The following GOLGA8R variants were observed in gnomAD, a reference collection of about 807,000 sequenced individuals.
GOLGA8R encodes golgin A8 family member R.
GOLGA8R carries 6 observed loss-of-function variants against 21.4 expected under a neutral mutation model. The observed-to-expected ratio is 0.28, with a 90% confidence interval of 0.15 to 0.55. The LOEUF (loss-of-function observed/expected upper bound fraction) is 0.55, where lower values mean the gene tolerates loss of function less well. Among genes scored for constraint, GOLGA8R ranks in the 20% least tolerant of loss-of-function variants. GOLGA8R has a pLI of 0.94. For missense variants in GOLGA8R, 41 were observed against 139.9 expected, an observed-to-expected ratio of 0.29 and a Z score of 3.57; for synonymous variants, 8 against 49.3, an observed-to-expected ratio of 0.16 and a Z score of 3.51.
At position 30,407,894 on chromosome 15, in the gene GOLGA8R, C is replaced by T. The variant is rs775356293; in HGVS notation, c.871+14G>A. ...TGCCAGTCCTGCTCCCAGGTCATGCCAGCCCCATCTTACCCGTCTGGTTTT... is the reference window on the plus strand; with the variant it reads ...TGCCAGTCCTGCTCCCAGGTCATGCTAGCCCCATCTTACCCGTCTGGTTTT... On this transcript the variant is annotated intron_variant, in intron 11 of 18. Transcript: ENST00000327271. 3 of 1,611,830 alleles carry T rather than the reference C, an allele frequency of 1.9e-6. No homozygotes were observed. The highest frequency in any genetic ancestry group is 1.3e-5 in the African/African-American group (1 of 74,850).
chr15:30,403,111 ATT>A lies in GOLGA8R; in HGVS notation c.*627_*628del, dbSNP rs1357592438. On this transcript the variant is annotated 3_prime_UTR_variant, in exon 19 of 19. Transcript: ENST00000327271. Reference sequence around the variant, plus strand: ...GGAGGCCACTTTCCTCTTCTGTGAGATTTAAAAAGCTCCCCCAAAAGGTTATC... The same window carrying A: ...GGAGGCCACTTTCCTCTTCTGTGAGATAAAAAGCTCCCCCAAAAGGTTATC... Among the ~76,000 whole-genome samples, 1 of 123,434 alleles carries A rather than the reference ATT, an allele frequency of 8.1e-6. No homozygotes were observed. The highest frequency in any genetic ancestry group is 1.7e-5 in the Non-Finnish European group (1 of 57,186). The allele number at this position is 123,434 out of a possible 152,430, so 81.0% of individuals were successfully genotyped here.
chr15:30,404,951 CCT>C (rs1197309607), intron 15 of GOLGA8R, among the ~76,000 whole-genome samples, 154 bp downstream of exon 15: 3 of 5,046 alleles, frequency 5.9e-4, no homozygotes, highest in African/African-American at 6.5e-4. Context: ...AGAGAGTGCA[CCT>C]GTTGGCCACA....
rs755651292 is a variant in GOLGA8R at position 30,407,878 on chromosome 15, T to C, written c.871+30A>G. The C allele has an allele frequency of 2.5e-6, 4 of 1,608,684 alleles. No homozygotes were observed. The Admixed American group carries it at 5.0e-5, about 20-fold the overall frequency. On this transcript the variant is annotated intron_variant, in intron 11 of 18. Coordinates refer to ENST00000327271, the MANE Select transcript of GOLGA8R (RefSeq NM_001282484.1). The stretch of plus-strand genomic sequence containing the variant: ...CCTCACAGCCCTCTGATGCCAGTCC[T>C]GCTCCCAGGTCATGCCAGCCCCATC...
rs867650054 is a variant in GOLGA8R, at chr15:30,400,934, A to G, written c.*2806T>C. Reference sequence around the variant, plus strand: ...GATTTACATTTTCAAATTTTCTAAAATCAGCTTTGGTTTTAGAGCTGATTT... The same window carrying G: ...GATTTACATTTTCAAATTTTCTAAAGTCAGCTTTGGTTTTAGAGCTGATTT... On this transcript the variant is annotated 3_prime_UTR_variant, in exon 19 of 19. Transcript: ENST00000327271. Among the ~76,000 whole-genome samples the G allele has an allele frequency of 9.3e-3, 582 of 62,566 alleles. 190 individuals are homozygous for G. Among genetic ancestry groups the G allele is most frequent in the African/African-American group, 0.026 (554 of 21,642 alleles). 41.0% of individuals were successfully genotyped at this position (62,566 alleles called of 152,430 possible).
chr15:30,400,930 T>C lies in GOLGA8R; in HGVS notation c.*2810A>G, dbSNP rs952105411. ...GGCTGATTTACATTTTCAAATTTTC[T>C]AAAATCAGCTTTGGTTTTAGAGCTG... On this transcript the variant is annotated 3_prime_UTR_variant, in exon 19 of 19. Coordinates refer to ENST00000327271, the MANE Select transcript of GOLGA8R (RefSeq NM_001282484.1). 0.016 allele frequency among the ~76,000 whole-genome samples: 1,000 copies of C among 62,966 alleles called. 362 individuals carry two copies. The highest frequency in any genetic ancestry group is 0.044 in the African/African-American group (965 of 21,850). 41.3% of individuals were successfully genotyped at this position (62,966 alleles called of 152,430 possible). A position where few individuals can be genotyped will look rare whatever the true frequency, so the allele number is the denominator to read the frequency against.
In GOLGA8R at chr15:30,410,251, TG is replaced by T. The variant is rs2059119455; in HGVS notation, c.325del (p.Gln109LysfsTer23). The T allele has an allele frequency of 1.2e-6, 1 of 831,560 alleles. No homozygotes were observed. Among genetic ancestry groups the T allele is most frequent in the Non-Finnish European group, 1.9e-6 (1 of 529,208 alleles). 51.5% of individuals were successfully genotyped at this position (831,560 alleles called of 1,614,324 possible). ...TIKSLKQQKK[Q>X]VEHQLEEEKK... ...TACTTCTTCCAGCTGATGTTCCACT[TG>T]TTTCTTCTGTTGTTTCTGTGGGGAG... On this transcript the variant is annotated frameshift_variant, in exon 5 of 19. Coordinates refer to ENST00000327271, the MANE Select transcript of GOLGA8R (RefSeq NM_001282484.1). LOFTEE classifies it high-confidence loss of function.
At position 30,407,964 on chromosome 15, in the gene GOLGA8R, T is replaced by A; in HGVS notation, c.815A>T (p.Asp272Val). The A allele has an allele frequency of 6.3e-7, 1 of 1,591,042 alleles. No homozygotes were observed. Among genetic ancestry groups the A allele is most frequent in the Non-Finnish European group, 8.6e-7 (1 of 1,159,794 alleles). Residue 272 changes from aspartate to valine, a missense_variant, in exon 11 of 19, where the codon GAT becomes GTT. Physicochemically the swap from Asp to Val is radical, Grantham distance 152. Coordinates refer to ENST00000327271, the MANE Select transcript of GOLGA8R (RefSeq NM_001282484.1). ...CTCCAGCTGCTCTACCCAACGCATA[T>A]CCTGCTTCTCTTTCTTTAATGTGCA... ...EICTLKKEKQ[D>V]MRWVEQLEWS...
chr15:30,404,833 C>T (rs1175853262), intron 15 of GOLGA8R, among the ~76,000 whole-genome samples: 1 of 78,680 alleles, frequency 1.3e-5, no homozygotes, highest in African/African-American at 3.6e-5. Context: ...CTAGCTCCAG[C>T]GGACTTGAAA....
At position 30,407,333 on chromosome 15, in the gene GOLGA8R, T is replaced by TGAAGCCTCTCCTCCTGCTTCC; in HGVS notation, c.1049_1069dup (p.Arg350_Leu356dup). ...CTGCCGAAGCTTCTCGTGCTGCTCC[T>TGAAGCCTCTCCTCCTGCTTCC]GAAGCCTCTCCTCCTGCTTCCGAAG... On this transcript the variant is annotated inframe_insertion, in exon 12 of 19. Coordinates refer to ENST00000327271, the MANE Select transcript of GOLGA8R (RefSeq NM_001282484.1). 1.4e-6 allele frequency: 1 copy of TGAAGCCTCTCCTCCTGCTTCC among 723,588 alleles called. No individual in the cohort carries two copies. Among genetic ancestry groups the TGAAGCCTCTCCTCCTGCTTCC allele is most frequent in the Non-Finnish European group, 2.1e-6 (1 of 480,880 alleles). The allele number at this position is 723,588 out of a possible 1,614,324, so 44.8% of individuals were successfully genotyped here. A position where few individuals can be genotyped will look rare whatever the true frequency, so the allele number is the denominator to read the frequency against.
intron 11 of GOLGA8R, among the ~76,000 whole-genome samples, 175 bp downstream of exon 11, chr15:30,407,733 G>GGACACTGA (rs1209537190): frequency 6.6e-6 from 1 of 152,268 alleles, no homozygotes; most frequent in East Asian, 1.9e-4. Context: ...TTGCTGATGG[G>GGACACTGA]GACACTGAGA....
In GOLGA8R at chr15:30,408,010, G is replaced by C. The variant is rs779200509; in HGVS notation, c.787-18C>G. 7 of 1,612,992 alleles carry C rather than the reference G, an allele frequency of 4.3e-6. No homozygotes were observed. Among genetic ancestry groups the C allele is most frequent in the South Asian group, 1.1e-5 (1 of 91,056 alleles). On this transcript the variant is annotated intron_variant, in intron 10 of 18. Coordinates refer to ENST00000327271, the MANE Select transcript of GOLGA8R (RefSeq NM_001282484.1). ...GTGCAAATCTGCCCAAAGCACAGGG[G>C]GAAAGGGCCCTGGAGAGAGGGGCTG...
chr15:30,411,950 T>G (rs1181729960), intron 2 of GOLGA8R: 3 of 178,566 alleles, frequency 1.7e-5, no homozygotes. Flanking sequence ...AGACAGAGTC[T>G]TGCTCTGTCA....
Position 30,408,031 on chromosome 15 carries a change from G to C in GOLGA8R, c.787-39C>G, listed in dbSNP as rs778980094. 3 of 1,612,282 alleles carry C rather than the reference G, an allele frequency of 1.9e-6. No individual in the cohort carries two copies. The East Asian group carries it at 6.7e-5, about 36-fold the overall frequency. The stretch of plus-strand genomic sequence containing the variant: ...AGGGGGAAAGGGCCCTGGAGAGAGG[G>C]GCTGGTGGCTGGACAGGCTGCCCTC... On this transcript the variant is annotated intron_variant, in intron 10 of 18. Transcript: ENST00000327271.
Position 30,407,888 on chromosome 15 carries a change from T to C in GOLGA8R, c.871+20A>G, listed in dbSNP as rs1263002215. The C allele has an allele frequency of 3.7e-6, 6 of 1,611,306 alleles. No individual in the cohort carries two copies. The highest frequency in any genetic ancestry group is 1.3e-5 in the African/African-American group (1 of 74,828). ...CTCTGATGCCAGTCCTGCTCCCAGG[T>C]CATGCCAGCCCCATCTTACCCGTCT... is the stretch of plus-strand genomic sequence containing the variant. On this transcript the variant is annotated intron_variant, in intron 11 of 18. Coordinates refer to ENST00000327271, the MANE Select transcript of GOLGA8R (RefSeq NM_001282484.1).
At chr15:30,407,789 G>A (rs754872487) in intron 11 of GOLGA8R, 119 bp downstream of exon 11, 1 of 1,590,962 alleles carries the variant, frequency 6.3e-7, no homozygotes, top group Non-Finnish European at 8.6e-7. Flanking sequence ...TCCTGGCACA[G>A]ATCTCTTTCC....
At chr15:30,407,756 C>T (rs2554210) in intron 11 of GOLGA8R, among the ~76,000 whole-genome samples, 152 bp downstream of exon 11, 34 of 152,262 alleles carry the variant, frequency 2.2e-4, no homozygotes, top group African/African-American at 7.2e-4. Flanking sequence ...CTGAGACTCA[C>T]TGAGATGACA....
rs2059053002 is a variant in GOLGA8R at position 30,402,718 on chromosome 15, AG to A, written c.*1021del. Reference sequence around the variant, plus strand: ...GTTCCAGGGACATTTGAACTCGTAAAGGATTTCTTATGATCTTCACTAAATA... The same window carrying A: ...GTTCCAGGGACATTTGAACTCGTAAAGATTTCTTATGATCTTCACTAAATA... On this transcript the variant is annotated 3_prime_UTR_variant, in exon 19 of 19. Transcript: ENST00000327271. Among the ~76,000 whole-genome samples the A allele has an allele frequency of 4.2e-5, 2 of 47,830 alleles. No individual in the cohort carries two copies. Among genetic ancestry groups the A allele is most frequent in the African/African-American group, 2.0e-4 (2 of 9,934 alleles). 31.4% of individuals were successfully genotyped at this position (47,830 alleles called of 152,430 possible).
intron 16 of GOLGA8R, 30 bp downstream of exon 16, chr15:30,404,401 TC>T (rs1168721838): frequency 2.8e-5 from 1 of 36,058 alleles, no homozygotes; most frequent in Admixed American, 1.5e-4. Context: ...GCCCTGTAGC[TC>T]CCCCTGCCGT....
chr15:30,409,110 C>T (rs1371501531), intron 8 of GOLGA8R, among the ~76,000 whole-genome samples: 1 of 6,936 alleles, frequency 1.4e-4, no homozygotes, highest in African/African-American at 1.8e-4. Context: ...TTTTTATGAA[C>T]CCTTGCAGAC....
Sources: gnomAD v4.1 joint callset for allele counts (sites outside exome capture counted in the v4.1 genomes callset) on GRCh38, gnomAD v4.1.1 for gene constraint, MANE v1.5 for transcripts, NCBI Gene and HGNC (gene_info 2026-07-23, HGNC 2026-07-21) for gene names.